MARK1: variants seen among roughly 807,000 people sequenced by gnomAD.
The protein encoded by MARK1 is serine/threonine-protein kinase MARK1.
A neutral mutation model predicts 96.3 loss-of-function variants in MARK1; 40 were observed. The ratio of observed to expected loss-of-function variants is 0.42; its 90% CI spans 0.32 to 0.54. The LOEUF (loss-of-function observed/expected upper bound fraction) is 0.54. Among genes scored for constraint, MARK1 ranks in the 20% least tolerant of loss-of-function variants. The pLI is 0.16. For synonymous variants in MARK1, 317 were observed against 341.2 expected (o/e 0.93, Z 0.78); for missense variants, 719 against 984.6 (o/e 0.73, Z 3.61).
chr1:220,646,347 A>G lies in MARK1; in HGVS notation c.1471-4273A>G, dbSNP rs1668572897. ...AAATAAAATACCTAGGAATACAGCTAGCAACGGAAGTGAGGGACCTCTTCA... is the reference window on the plus strand; with the variant it reads ...AAATAAAATACCTAGGAATACAGCTGGCAACGGAAGTGAGGGACCTCTTCA... On this transcript the variant is annotated intron_variant, in intron 13 of 17. Coordinates refer to ENST00000366917, the MANE Select transcript of MARK1 (RefSeq NM_018650.5). 2.6e-5 allele frequency among the ~76,000 whole-genome samples: 4 copies of G among 152,266 alleles called. No individual in the cohort carries two copies. The South Asian group carries it at 8.3e-4, about 32-fold the overall frequency.
chr1:220,562,280 C>G (rs1056955501), intron 1 of MARK1, among the ~76,000 whole-genome samples: 2 of 151,950 alleles, frequency 1.3e-5, no homozygotes, highest in African/African-American at 4.8e-5. Context: ...GCCTGGCCAA[C>G]GTGGCGAAAC....
chr1:220,550,713 C>T (rs1661800687), intron 1 of MARK1, among the ~76,000 whole-genome samples: 1 of 152,236 alleles, frequency 6.6e-6, no homozygotes, highest in South Asian at 2.1e-4. Context: ...TAAAGTAATG[C>T]TTGGTATTTT....
At chr1:220,625,345 C>T (rs945877317) in intron 9 of MARK1, among the ~76,000 whole-genome samples, 1 of 152,102 alleles carries the variant, frequency 6.6e-6, no homozygotes, top group South Asian at 2.1e-4. Context: ...ATGTACTGAC[C>T]ATTTAGTGCT....
intron 1 of MARK1, among the ~76,000 whole-genome samples, chr1:220,574,624 C>G (rs934181672): frequency 6.6e-6 from 1 of 152,180 alleles, no homozygotes. Context: ...ATCAACTTCC[C>G]TTAAGACTTT....
At chr1:220,617,957 T>C (rs1264836066) in intron 7 of MARK1, among the ~76,000 whole-genome samples, 1 of 152,190 alleles carries the variant, frequency 6.6e-6, no homozygotes, top group Non-Finnish European at 1.5e-5. Context: ...ATTCGTATTA[T>C]GTTCTTTAGA....
At chr1:220,649,239 T>G (rs3849286) in intron 13 of MARK1, among the ~76,000 whole-genome samples, 106,739 of 150,064 alleles carry the variant, frequency 0.71, 38,088 homozygotes, top group East Asian at 0.76. Flanking sequence ...TTTTTTTTTT[T>G]GGGGGACAGG....
intron 6 of MARK1, among the ~76,000 whole-genome samples, chr1:220,610,356 G>A (rs1407278448): frequency 1.3e-5 from 2 of 152,122 alleles, no homozygotes; most frequent in Non-Finnish European, 2.9e-5. Context: ...ATTGAAGCTT[G>A]TGCTTGCATC....
chr1:220,651,863 A>G (rs1242089835), intron 14 of MARK1, 123 bp from the exon 15 acceptor site: 5 of 616,770 alleles, frequency 8.1e-6, no homozygotes, highest in South Asian at 7.6e-5. Flanking sequence ...GTTTCTTTCA[A>G]ATGTTTCAGT....
intron 9 of MARK1, among the ~76,000 whole-genome samples, 189 bp from the exon 10 acceptor site, chr1:220,630,846 G>C (rs1008381139): frequency 6.6e-6 from 1 of 152,176 alleles, no homozygotes; most frequent in Non-Finnish European, 1.5e-5. Flanking sequence ...TGGTGAGTGT[G>C]TAGGGAGATA....
chr1:220,635,660 T>C, intron 12 of MARK1, 131 bp downstream of exon 12: 1 of 1,184,940 alleles, frequency 8.4e-7, no homozygotes, highest in East Asian at 2.5e-5. Flanking sequence ...TACTGAATTA[T>C]AAATATAATC....
intron 3 of MARK1, among the ~76,000 whole-genome samples, chr1:220,594,401 G>A (rs1665190172): frequency 2.0e-5 from 3 of 152,196 alleles, no homozygotes; most frequent in Non-Finnish European, 4.4e-5. Context: ...GGAGCAACAG[G>A]AACTCTCATT....
rs1664084503 is a variant in MARK1 at position 220,579,448 on chromosome 1, C to T, written c.146C>T (p.Ser49Leu). 2 of 1,613,938 alleles carry T rather than the reference C, an allele frequency of 1.2e-6. No homozygotes were observed. The highest frequency in any genetic ancestry group is 1.3e-5 in the African/African-American group (1 of 74,920). Residue 49 changes from serine to leucine, a missense_variant, in exon 2 of 18, where the codon TCA (serine) becomes TTA (leucine). Transcript: ENST00000366917. ...CCCCGGTGTAGAAACTCCATTACGT[C>T]AGCAACAGATGAACAGCCTCACATT... Reference protein sequence around the residue: ...NIPRCRNSITSATDEQPHIGN... With the variant: ...NIPRCRNSITLATDEQPHIGN...
intron 1 of MARK1, among the ~76,000 whole-genome samples, chr1:220,579,099 C>T (rs1225160538): frequency 2.0e-5 from 3 of 152,090 alleles, no homozygotes; most frequent in Non-Finnish European, 4.4e-5. Context: ...GCCTTGGCCT[C>T]CTTAAGTGCT....
chr1:220,635,861 A>G lies in MARK1; in HGVS notation c.1305A>G (p.Ser435=). The change falls in exon 13 of 18, where the codon TCA becomes TCG. Residue 435 remains serine, a synonymous_variant. Coordinates refer to ENST00000366917, the MANE Select transcript of MARK1 (RefSeq NM_018650.5). Reference sequence around the variant, plus strand: ...GTCCATCCATTCCTCCTGCTGTATCATATACCAAAAGACCTCAGGCTAACA... The same window carrying G: ...GTCCATCCATTCCTCCTGCTGTATCGTATACCAAAAGACCTCAGGCTAACA... ...HAGPSIPPAV[S]YTKRPQANSV... is the part of the protein sequence containing the mutation. The G allele has an allele frequency of 1.2e-6, 2 of 1,611,566 alleles. No homozygotes were observed. The highest frequency in any genetic ancestry group is 2.2e-5 in the South Asian group (2 of 90,436).
At chr1:220,599,917 A>G (rs954153157) in intron 5 of MARK1, 54 bp downstream of exon 5, 2 of 1,157,624 alleles carry the variant, frequency 1.7e-6, no homozygotes, top group African/African-American at 3.1e-5. Context: ...CAGAAATGTT[A>G]ACACCTAAGA....
rs1452026576 is a variant in MARK1 at position 220,618,614 on chromosome 1, G to A, written c.790-22G>A. 6.2e-7 allele frequency: 1 copy of A among 1,613,292 alleles called. No individual in the cohort carries two copies. Among genetic ancestry groups the A allele is most frequent in the Non-Finnish European group, 8.5e-7 (1 of 1,179,860 alleles). On this transcript the variant is annotated intron_variant, in intron 8 of 17. Coordinates refer to ENST00000366917, the MANE Select transcript of MARK1 (RefSeq NM_018650.5). The surrounding 1 kb of genome is among the most constrained non-coding windows in gnomAD (Gnocchi z 4.6). ...ATTATGTCAAAAACCAGTTATAAGT[G>A]CTTTCTTTCACTTTTATTAAGGAAC...
At chr1:220,642,908 G>A (rs1008797711) in intron 13 of MARK1, among the ~76,000 whole-genome samples, 4 of 151,950 alleles carry the variant, frequency 2.6e-5, no homozygotes, top group East Asian at 3.9e-4. Flanking sequence ...AGAAAGCAAC[G>A]ACAAGTACAT....
chr1:220,601,933 A>G (rs1468455972), intron 5 of MARK1, among the ~76,000 whole-genome samples: 2 of 152,184 alleles, frequency 1.3e-5, no homozygotes, highest in Non-Finnish European at 2.9e-5. Context: ...TTCCTGCGAT[A>G]GGTTTTCTTT....
At chr1:220,530,500 A>T in intron 1 of MARK1, among the ~76,000 whole-genome samples, 1 of 152,184 alleles carries the variant, frequency 6.6e-6, no homozygotes, top group East Asian at 1.9e-4. Context: ...AAATTACTGT[A>T]TGTGTTAACC....
Sources: allele counts gnomAD v4.1 joint callset (sites outside exome capture counted in the v4.1 genomes callset), GRCh38; gene constraint gnomAD v4.1.1; non-coding constraint Gnocchi (gnomAD v3.1); transcripts MANE v1.5; gene names NCBI Gene and HGNC (gene_info 2026-07-23, HGNC 2026-07-21).